Variants in ERBB4 observed in about 807,000 individuals in gnomAD.
The protein encoded by ERBB4 is erb-b2 receptor tyrosine kinase 4, also known as receptor tyrosine-protein kinase erbB-4.
A neutral mutation model predicts 158.0 loss-of-function variants in ERBB4; 42 were observed. That is an observed-to-expected ratio of 0.27 (90% CI 0.21 to 0.34). The LOEUF (loss-of-function observed/expected upper bound fraction) is 0.34, where lower values mean the gene tolerates loss of function less well. Among genes scored for constraint, ERBB4 ranks in the 10% least tolerant of loss-of-function variants. ERBB4 has a pLI of 1.00. For missense variants in ERBB4, 1,333 were observed against 1,624.1 expected, an observed-to-expected ratio of 0.82 and a Z score of 3.08; for synonymous variants, 583 against 558.7, an observed-to-expected ratio of 1.04 and a Z score of -0.61.
At chr2:212,164,637 A>G (rs2081294714) in intron 1 of ERBB4, among the ~76,000 whole-genome samples, 1 of 152,064 alleles carries the variant, frequency 6.6e-6, no homozygotes, top group African/African-American at 2.4e-5. Context: ...TTAAGCGTCT[A>G]TCTATCCATC....
chr2:212,103,867 A>G (rs187046926), intron 2 of ERBB4, among the ~76,000 whole-genome samples: 1 of 152,232 alleles, frequency 6.6e-6, no homozygotes, highest in East Asian at 1.9e-4. Flanking sequence ...CATTTTGTGA[A>G]TAAATTTTAT....
At position 211,562,895 on chromosome 2, in the gene ERBB4, C is replaced by T. The variant is rs572937600; in HGVS notation, c.2302-807G>A. Among the ~76,000 whole-genome samples, 783 of 150,700 alleles carry T rather than the reference C, an allele frequency of 5.2e-3. 7 individuals are homozygous for T. The highest frequency in any genetic ancestry group is 0.018 in the African/African-American group (755 of 40,970). The stretch of plus-strand genomic sequence containing the variant: ...CACGCCATTCTCCTGCCTCAGCCTC[C>T]CAAGTAGCTGGGACTACAGGCGCCC... On this transcript the variant is annotated intron_variant, in intron 19 of 27. Coordinates refer to ENST00000342788, the MANE Select transcript of ERBB4 (RefSeq NM_005235.3).
intron 2 of ERBB4, among the ~76,000 whole-genome samples, chr2:211,982,853 T>C (rs2081841910): frequency 6.6e-6 from 1 of 152,266 alleles, no homozygotes; most frequent in Non-Finnish European, 1.5e-5. Flanking sequence ...TGTTACATTT[T>C]TGCTCTTTGC....
At chr2:211,400,542 T>C (rs898207861) in intron 25 of ERBB4, among the ~76,000 whole-genome samples, 1 of 152,078 alleles carries the variant, frequency 6.6e-6, no homozygotes, top group Non-Finnish European at 1.5e-5. Context: ...AAACTTTGCA[T>C]GTTCTCACAT....
At chr2:212,216,718 T>G (rs1402769) in intron 1 of ERBB4, among the ~76,000 whole-genome samples, 109,302 of 151,012 alleles carry the variant, frequency 0.72, 39,927 homozygotes, top group East Asian at 0.78. Context: ...CTACTATAAT[T>G]GTTCTCACTT....
intron 27 of ERBB4, among the ~76,000 whole-genome samples, chr2:211,385,294 A>G (rs1172341448): frequency 1.3e-5 from 2 of 152,082 alleles, no homozygotes; most frequent in Non-Finnish European, 2.9e-5. Context: ...CATCCTCCCA[A>G]TTCTGTGAAA....
intron 1 of ERBB4, among the ~76,000 whole-genome samples, chr2:212,237,115 A>C (rs1237147877): frequency 2.0e-5 from 3 of 152,036 alleles, no homozygotes; most frequent in Non-Finnish European, 4.4e-5. Flanking sequence ...TAGTGCTATA[A>C]ATTTCCTTCT....
chr2:212,515,487 A>G (rs560067220), intron 1 of ERBB4, among the ~76,000 whole-genome samples: 1 of 152,178 alleles, frequency 6.6e-6, no homozygotes, highest in Non-Finnish European at 1.5e-5. Flanking sequence ...ATGCTATCAT[A>G]TAAAACAATA....
At chr2:212,162,058 C>A (rs1191636328) in intron 1 of ERBB4, among the ~76,000 whole-genome samples, 3 of 151,794 alleles carry the variant, frequency 2.0e-5, no homozygotes, top group Non-Finnish European at 4.4e-5. Flanking sequence ...AATACTACAT[C>A]TCTTCTATAA....
intron 1 of ERBB4, among the ~76,000 whole-genome samples, chr2:212,209,525 TGAGA>T (rs2082868145): frequency 6.6e-6 from 1 of 152,080 alleles, no homozygotes; most frequent in South Asian, 2.1e-4. Context: ...GACTAGAGGT[TGAGA>T]GAGTATCTAC....
intron 1 of ERBB4, among the ~76,000 whole-genome samples, chr2:212,224,489 T>G (rs1335184890): frequency 6.6e-6 from 1 of 151,992 alleles, no homozygotes; most frequent in Admixed American, 6.6e-5. Context: ...TAACTTCTGC[T>G]GCCAGCTGAG....
intron 7 of ERBB4, among the ~76,000 whole-genome samples, chr2:211,720,971 C>T (rs1354479109): frequency 1.3e-5 from 2 of 152,156 alleles, no homozygotes; most frequent in East Asian, 1.9e-4. Context: ...CACAAAATGG[C>T]ACTTTGGAAA....
intron 16 of ERBB4, among the ~76,000 whole-genome samples, chr2:211,634,032 A>G (rs925206281): frequency 6.6e-6 from 1 of 152,144 alleles, no homozygotes; most frequent in Admixed American, 6.5e-5. Context: ...GGTGGCATGC[A>G]CCTGTAAATC....
In ERBB4 at chr2:212,015,091, T is replaced by A. The variant is rs1559321007; in HGVS notation, c.235-67475A>T. On this transcript the variant is annotated intron_variant, in intron 2 of 27. Coordinates refer to ENST00000342788, the MANE Select transcript of ERBB4 (RefSeq NM_005235.3). The stretch of plus-strand genomic sequence containing the variant: ...ATATATATATATATATATATATATA[T>A]ATATATATATATATATATATAAAAA... 2.7e-3 allele frequency among the ~76,000 whole-genome samples: 149 copies of A among 55,656 alleles called. 25 individuals carry two copies. The highest frequency in any genetic ancestry group is 5.8e-3 in the East Asian group (12 of 2,076). 36.5% of individuals were successfully genotyped at this position (55,656 alleles called of 152,430 possible). A position where few individuals can be genotyped will look rare whatever the true frequency, so the allele number is the denominator to read the frequency against.
At chr2:212,167,402 C>T (rs962532041) in intron 1 of ERBB4, among the ~76,000 whole-genome samples, 22 of 152,066 alleles carry the variant, frequency 1.4e-4, no homozygotes, top group African/African-American at 5.3e-4. Context: ...ATATCCCATG[C>T]CACTCAGAAT....
intron 1 of ERBB4, among the ~76,000 whole-genome samples, chr2:212,171,765 G>C (rs2081527650): frequency 6.6e-6 from 1 of 152,106 alleles, no homozygotes; most frequent in Non-Finnish European, 1.5e-5. Context: ...ATGATTGTAA[G>C]TTTCCTGAGG....
In ERBB4 at chr2:211,552,637, G is replaced by A. The variant is rs117436805; in HGVS notation, c.2487+9266C>T. 6.6e-5 allele frequency among the ~76,000 whole-genome samples: 10 copies of A among 152,138 alleles called. No homozygotes were observed. The East Asian group carries it at 1.9e-3, about 29-fold the overall frequency. On this transcript the variant is annotated intron_variant, in intron 20 of 27. Transcript: ENST00000342788. Reference sequence around the variant, plus strand: ...GGCACCGGAAAAAAAAATCTGACAAGGTAAATAGGCCAGCAAAGCTCTGAG... The same window carrying A: ...GGCACCGGAAAAAAAAATCTGACAAAGTAAATAGGCCAGCAAAGCTCTGAG...
At chr2:212,234,776 CTTCTT>C (rs1360522070) in intron 1 of ERBB4, among the ~76,000 whole-genome samples, 2 of 152,268 alleles carry the variant, frequency 1.3e-5, no homozygotes, top group East Asian at 1.9e-4. Context: ...GCATAAATGT[CTTCTT>C]TTGAGAAATG....
Position 211,387,997 on chromosome 2 carries a change from T to C in ERBB4, c.3136-5A>G, listed in dbSNP as rs188179744. 59 of 1,592,446 alleles carry C rather than the reference T, an allele frequency of 3.7e-5. No individual in the cohort carries two copies. The East Asian group carries it at 4.7e-4, about 13-fold the overall frequency. ...AGGGCTGTGTCCAATTTCACTCTAA[T>C]AGGAAAGAAAAATGGAATGATGGAT... On this transcript the variant is annotated splice_region_variant and splice_polypyrimidine_tract_variant and intron_variant, in intron 25 of 27. Coordinates refer to ENST00000342788, the MANE Select transcript of ERBB4 (RefSeq NM_005235.3).
Sources: gnomAD v4.1 joint callset for allele counts (sites outside exome capture counted in the v4.1 genomes callset) on GRCh38, gnomAD v4.1.1 for gene constraint, MANE v1.5 for transcripts, NCBI Gene and HGNC (gene_info 2026-07-23, HGNC 2026-07-21) for gene names.